Variants in MCMBP observed in about 807,000 individuals in gnomAD.
The protein encoded by MCMBP is minichromosome maintenance complex binding protein, also known as mini-chromosome maintenance complex-binding protein.
MCMBP carries 31 observed loss-of-function variants against 81.3 expected under a neutral mutation model. The observed-to-expected ratio is 0.38, with a 90% CI of 0.29 to 0.51. MCMBP has a LOEUF of 0.51. Ranked by LOEUF, MCMBP falls within the 20% of genes least tolerant of loss-of-function variation. MCMBP has a pLI of 0.87. For synonymous variants in MCMBP, 267 were observed against 275.9 expected, an observed-to-expected ratio of 0.97 and a Z score of 0.32; for missense variants, 645 against 772.1, an observed-to-expected ratio of 0.84 and a Z score of 1.95.
At chr10:119,863,586 G>A (rs910966623) in intron 1 of MCMBP, among the ~76,000 whole-genome samples, 1 of 151,394 alleles carries the variant, frequency 6.6e-6, no homozygotes, top group Non-Finnish European at 1.5e-5. Flanking sequence ...AAAATTAGCC[G>A]GGCGTGGTGG....
At chr10:119,862,626 A>G (rs566403016) in intron 1 of MCMBP, among the ~76,000 whole-genome samples, 1 of 152,322 alleles carries the variant, frequency 6.6e-6, no homozygotes, top group African/African-American at 2.4e-5. Context: ...CAGGTTTGAC[A>G]ACTATAAACA....
At chr10:119,848,606 G>A (rs554962724) in intron 7 of MCMBP, among the ~76,000 whole-genome samples, 36 of 151,988 alleles carry the variant, frequency 2.4e-4, no homozygotes, top group African/African-American at 8.0e-4. Flanking sequence ...GAGTGAGACT[G>A]CCTCAAAAAA....
intron 8 of MCMBP, 26 bp downstream of exon 8, chr10:119,847,587 A>C: frequency 7.2e-7 from 1 of 1,391,856 alleles, no homozygotes; most frequent in East Asian, 2.3e-5. Context: ...AATAAAGGAG[A>C]CCAAAAAAAG....
intron 11 of MCMBP, among the ~76,000 whole-genome samples, chr10:119,840,401 C>T (rs1038525611): frequency 2.0e-5 from 3 of 152,212 alleles, no homozygotes; most frequent in Non-Finnish European, 4.4e-5. Context: ...CACGCAAATA[C>T]TGCATTCCAG....
intron 4 of MCMBP, chr10:119,858,286 T>C (rs776921400): frequency 3.3e-5 from 5 of 152,202 alleles, no homozygotes; most frequent in Admixed American, 6.5e-5. Flanking sequence ...TCAAGAGTCA[T>C]AAATAAAAGA....
In MCMBP at chr10:119,860,481, T is replaced by C. The variant is rs140333390; in HGVS notation, c.59-597A>G. ...GTCTCCTAAGGAACAGTACTAACCA[T>C]AGTACTGTTATCAACCTCAGGAAAT... On this transcript the variant is annotated intron_variant, in intron 1 of 15. Transcript: ENST00000369077. 1.6e-3 allele frequency among the ~76,000 whole-genome samples: 249 copies of C among 152,320 alleles called. 1 individual carries two copies. Among genetic ancestry groups the C allele is most frequent in the African/African-American group, 5.9e-3 (244 of 41,566 alleles).
intron 1 of MCMBP, among the ~76,000 whole-genome samples, chr10:119,864,580 T>C (rs987897996): frequency 1.8e-4 from 27 of 151,128 alleles, no homozygotes; most frequent in African/African-American, 6.3e-4. Context: ...TACAATTTTA[T>C]TGATTTTTTT....
At chr10:119,858,288 A>C (rs1236926915) in intron 4 of MCMBP, 1 of 152,268 alleles carries the variant, frequency 6.6e-6, no homozygotes, top group Non-Finnish European at 1.5e-5. Flanking sequence ...AAGAGTCATA[A>C]ATAAAAGACT....
In MCMBP at chr10:119,872,635, C is replaced by T; in HGVS notation, c.-51G>A. 1.9e-6 allele frequency: 2 copies of T among 1,073,236 alleles called. No homozygotes were observed. Among genetic ancestry groups the T allele is most frequent in the Non-Finnish European group, 1.2e-6 (1 of 865,190 alleles). The allele number at this position is 1,073,236 out of a possible 1,614,324, so 66.5% of individuals were successfully genotyped here. On this transcript the variant is annotated 5_prime_UTR_variant, in exon 1 of 16. Transcript: ENST00000369077. ...GACCGGGCGGAGGCGATCCGCGGGC[C>T]GAGCGCGGCCGGGCGGCCGGCGCCC...
In MCMBP at chr10:119,840,891, A is replaced by G. The variant is rs1852407136; in HGVS notation, c.1194T>C (p.Ser398=). The change falls in exon 11 of 16, where the codon AGT becomes AGC. Residue 398 remains serine, a synonymous_variant. Coordinates refer to ENST00000369077, the MANE Select transcript of MCMBP (RefSeq NM_001256378.2). ...TTCGATACAAGTGTTCTGTGAAGGT[A>G]CTATTCCGTGGGCAACCACTCAAGT... is the stretch of plus-strand genomic sequence containing the variant. ...TVNLSGCPRN[S]TFTEHLYRII... The G allele has an allele frequency of 6.2e-7, 1 of 1,610,992 alleles. No individual in the cohort carries two copies. Among genetic ancestry groups the G allele is most frequent in the Admixed American group, 1.7e-5 (1 of 59,568 alleles).
At chr10:119,834,305 G>A (rs767573642) in intron 14 of MCMBP, among the ~76,000 whole-genome samples, 1 of 152,136 alleles carries the variant, frequency 6.6e-6, no homozygotes, top group South Asian at 2.1e-4. Context: ...AATCGAAACT[G>A]TCAAAAGCCA....
intron 14 of MCMBP, among the ~76,000 whole-genome samples, chr10:119,834,861 C>CAAAAAAAAAAAAAAAAAAAAAAAAAA (rs71019725): frequency 1.5e-5 from 1 of 67,282 alleles, no homozygotes; most frequent in Non-Finnish European, 2.6e-5. Context: ...GACCCTGTCT[C>CAAAAAAAAAAAAAAAAAAAAAAAAAA]AAAAAAAAAA....
chr10:119,857,412 G>A lies in MCMBP; in HGVS notation c.355C>T (p.Pro119Ser). 1 of 1,610,702 alleles carries A rather than the reference G, an allele frequency of 6.2e-7. No individual in the cohort carries two copies. The highest frequency in any genetic ancestry group is 8.5e-7 in the Non-Finnish European group (1 of 1,177,622). ...TGTCTTTCCAAAGTGGTATTTCGTG[G>A]AGAGTTTAAATCAAGTTCTTGTTGA... is the stretch of plus-strand genomic sequence containing the variant. ...GPQQELDLNS[P>S]RNTTLERQTF... Residue 119 changes from proline to serine, a missense_variant, in exon 5 of 16, where the codon CCA becomes TCA. Pro to Ser is a moderately conservative substitution (Grantham distance 74). Transcript: ENST00000369077.
chr10:119,872,610 G>C lies in MCMBP; in HGVS notation c.-26C>G. The C allele has an allele frequency of 5.2e-6, 6 of 1,158,498 alleles. No individual in the cohort carries two copies. The highest frequency in any genetic ancestry group is 6.4e-6 in the Non-Finnish European group (6 of 934,496). 71.8% of individuals were successfully genotyped at this position (1,158,498 alleles called of 1,614,324 possible). A position where few individuals can be genotyped will look rare whatever the true frequency, so the allele number is the denominator to read the frequency against. ...CTCGCCAGGGGCCGGGGCCGGCGAA[G>C]ACCGGGCGGAGGCGATCCGCGGGCC... On this transcript the variant is annotated 5_prime_UTR_variant, in exon 1 of 16. Transcript: ENST00000369077.
Position 119,833,484 on chromosome 10 carries a change from A to G in MCMBP, c.1708-1384T>C, listed in dbSNP as rs374121489. 2.3e-3 allele frequency among the ~76,000 whole-genome samples: 348 copies of G among 152,110 alleles called. 2 individuals are homozygous for G. The highest frequency in any genetic ancestry group is 8.2e-3 in the African/African-American group (340 of 41,526). ...GCAAGACCTCATCACTACAAAAAAA[A>G]AAAGAAAGAAAAAAAAAGAAAAGAA... On this transcript the variant is annotated intron_variant, in intron 14 of 15. Coordinates refer to ENST00000369077, the MANE Select transcript of MCMBP (RefSeq NM_001256378.2).
At chr10:119,847,555 T>C in intron 8 of MCMBP, 58 bp downstream of exon 8, 4 of 1,063,594 alleles carry the variant, frequency 3.8e-6, no homozygotes, top group South Asian at 1.5e-5. Flanking sequence ...GTAACTCTCC[T>C]GAAAACTTGA....
chr10:119,855,550 C>T (rs1277091268), intron 5 of MCMBP, among the ~76,000 whole-genome samples: 1 of 151,880 alleles, frequency 6.6e-6, no homozygotes, highest in Non-Finnish European at 1.5e-5. Flanking sequence ...CAGGCACCTG[C>T]AATCCCAGCT....
chr10:119,842,720 C>A, intron 9 of MCMBP, 125 bp from the exon 10 acceptor site: 2 of 1,001,898 alleles, frequency 2.0e-6, no homozygotes, highest in Non-Finnish European at 2.8e-6. Context: ...TTAACATATC[C>A]GTCAGTAAGT....
chr10:119,830,117 CTAGT>C lies in MCMBP; in HGVS notation c.*1353_*1356del, dbSNP rs1187686760. The stretch of plus-strand genomic sequence containing the variant: ...TTTGAGTTTAGGAAAAGTTGAACAA[CTAGT>C]TATTTTTACTTCAGTTATTAGGTAC... On this transcript the variant is annotated 3_prime_UTR_variant, in exon 16 of 16. Coordinates refer to ENST00000369077, the MANE Select transcript of MCMBP (RefSeq NM_001256378.2). 6.6e-6 allele frequency: 1 copy of C among 152,574 alleles called. No individual in the cohort carries two copies. The highest frequency in any genetic ancestry group is 1.5e-5 in the Non-Finnish European group (1 of 68,030). 9.5% of individuals were successfully genotyped at this position (152,574 alleles called of 1,614,324 possible).
Sources: allele counts gnomAD v4.1 joint callset (sites outside exome capture counted in the v4.1 genomes callset), GRCh38; gene constraint gnomAD v4.1.1; transcripts MANE v1.5; gene names NCBI Gene and HGNC (gene_info 2026-07-23, HGNC 2026-07-21).